PIGP: variants seen among roughly 807,000 people sequenced by gnomAD.
PIGP encodes phosphatidylinositol N-acetylglucosaminyltransferase subunit P.
PIGP carries 12 observed loss-of-function variants against 16.9 expected under a neutral mutation model. The ratio of observed to expected loss-of-function variants is 0.71; its 90% CI spans 0.46 to 1.15. The LOEUF (loss-of-function observed/expected upper bound fraction) is 1.15. Among genes scored for constraint, PIGP ranks in the 50% most tolerant of loss-of-function variants. The pLI is 0.00. For missense variants in PIGP, 159 were observed against 153.5 expected (o/e 1.04, Z -0.19); for synonymous variants, 57 against 54.7 (o/e 1.04, Z -0.18).
chr21:37,072,650 C>T (rs1429486859), intron 1 of PIGP, 113 bp from the exon 2 acceptor site: 1 of 1,571,370 alleles, frequency 6.4e-7, no homozygotes. Context: ...AACCGCCTCC[C>T]GCGCCTCCGT....
intron 3 of PIGP, among the ~76,000 whole-genome samples, chr21:37,067,966 C>T (rs2069935085): frequency 6.6e-6 from 1 of 151,510 alleles, no homozygotes; most frequent in Non-Finnish European, 1.5e-5. Flanking sequence ...TCTATTATGC[C>T]TCTCAGTATC....
Position 37,069,619 on chromosome 21 carries a change from A to G in PIGP, c.88T>C (p.Tyr30His). The G allele has an allele frequency of 6.4e-7, 1 of 1,561,810 alleles. No individual in the cohort carries two copies. Among genetic ancestry groups the G allele is most frequent in the South Asian group, 1.2e-5 (1 of 84,870 alleles). Residue 30 changes from tyrosine (Y) to histidine (H), a missense_variant, in exon 3 of 5, where the codon TAC (tyrosine) becomes CAC (histidine). Physicochemically the swap from Tyr to His is moderately conservative, Grantham distance 83 (BLOSUM62 2). Coordinates refer to ENST00000360525, the MANE Select transcript of PIGP (RefSeq NM_153682.3). Reference sequence around the variant, plus strand: ...TCAGGAATAAAGGCCCACACGAGGTAAAGTACTGTAGAAAAGAAAAAGAAA... The same window carrying G: ...TCAGGAATAAAGGCCCACACGAGGTGAAGTACTGTAGAAAAGAAAAAGAAA... ...FLSSQFGFIL[Y>H]LVWAFIPESW...
rs1043872329 is a variant in PIGP, at chr21:37,072,807, T to C, written c.-23+193A>G. On this transcript the variant is annotated intron_variant, in intron 1 of 4. Transcript: ENST00000360525. ...CAGCTCTGCAAGCGTGGCCTCCCTG[T>C]GGGAGGGGAGGGCAGGGAACAAGGC... 1.1e-5 allele frequency: 6 copies of C among 540,962 alleles called. No individual in the cohort carries two copies. The East Asian group carries it at 1.9e-4, about 17-fold the overall frequency. 33.5% of individuals were successfully genotyped at this position (540,962 alleles called of 1,614,324 possible).
chr21:37,072,609 C>T (rs568566403), intron 1 of PIGP, 72 bp from the exon 2 acceptor site: 2 of 1,605,508 alleles, frequency 1.2e-6, no homozygotes, highest in Non-Finnish European at 1.7e-6. Context: ...CGCCTCCTCG[C>T]TCCGCCGCGG....
At position 37,072,670 on chromosome 21, in the gene PIGP, G is replaced by C. The variant is rs1601137910; in HGVS notation, c.-22-133C>G. 8.0e-6 allele frequency: 12 copies of C among 1,502,138 alleles called. No individual in the cohort carries two copies. In the East Asian group the frequency reaches 2.5e-4, roughly 31 times the overall value. The allele number at this position is 1,502,138 out of a possible 1,614,324, so 93.1% of individuals were successfully genotyped here. A position where few individuals can be genotyped will look rare whatever the true frequency, so the allele number is the denominator to read the frequency against. ...CCTCCCGCGCCTCCGTCCGCAACCC[G>C]CGCCCCCGCCTCGAGCGCATACAGA... On this transcript the variant is annotated intron_variant, in intron 1 of 4. Coordinates refer to ENST00000360525, the MANE Select transcript of PIGP (RefSeq NM_153682.3).
chr21:37,069,454 G>A (rs2069961918), intron 3 of PIGP, 98 bp downstream of exon 3: 2 of 686,446 alleles, frequency 2.9e-6, no homozygotes, highest in Non-Finnish European at 4.8e-6. Context: ...TGAATTTTAA[G>A]AGAACAAATA....
At chr21:37,068,713 G>A (rs532646120) in intron 3 of PIGP, among the ~76,000 whole-genome samples, 2 of 152,178 alleles carry the variant, frequency 1.3e-5, no homozygotes, top group East Asian at 3.9e-4. Flanking sequence ...ACTTCACTGG[G>A]GTCCTCTAAA....
intron 1 of PIGP, 27 bp from the exon 2 acceptor site, chr21:37,072,564 C>T (rs1294091581): frequency 6.2e-7 from 1 of 1,614,108 alleles, no homozygotes; most frequent in African/African-American, 1.3e-5. Flanking sequence ...CAATCAGCGT[C>T]AGCGATGTGC....
intron 2 of PIGP, among the ~76,000 whole-genome samples, chr21:37,070,157 C>A (rs565672335): frequency 5.2e-4 from 79 of 152,172 alleles, no homozygotes; most frequent in Middle Eastern, 3.2e-3. Context: ...GTGGGTTAAG[C>A]ACAGTTCCAA....
At chr21:37,071,666 T>C (rs2146813506) in intron 2 of PIGP, among the ~76,000 whole-genome samples, 1 of 152,340 alleles carries the variant, frequency 6.6e-6, no homozygotes. Context: ...TCCACTTTCC[T>C]GGTTTCCAAA....
intron 3 of PIGP, 29 bp downstream of exon 3, chr21:37,069,523 T>C (rs1185006923): frequency 7.6e-7 from 1 of 1,318,970 alleles, no homozygotes; most frequent in Non-Finnish European, 1.1e-6. Flanking sequence ...ATTAATTATA[T>C]CCTCATTTAA....
At chr21:37,072,632 C>G in intron 1 of PIGP, 95 bp from the exon 2 acceptor site, 1 of 1,592,662 alleles carries the variant, frequency 6.3e-7, no homozygotes, top group Non-Finnish European at 8.6e-7. Context: ...ACGGCCCCCG[C>G]CGCGCAGAAC....
chr21:37,066,361 G>A (rs1489357228), intron 4 of PIGP, among the ~76,000 whole-genome samples: 2 of 152,118 alleles, frequency 1.3e-5, no homozygotes, highest in Non-Finnish European at 2.9e-5. Flanking sequence ...TTACCTATTT[G>A]CTGCCAATTC....
intron 3 of PIGP, among the ~76,000 whole-genome samples, chr21:37,068,587 A>C (rs1954199809): frequency 6.6e-6 from 1 of 152,010 alleles, no homozygotes; most frequent in South Asian, 2.1e-4. Flanking sequence ...AATGTCTGGT[A>C]ACTTAGAGTA....
At chr21:37,070,326 ATTCTT>A (rs752496743) in intron 2 of PIGP, among the ~76,000 whole-genome samples, 76 of 152,220 alleles carry the variant, frequency 5.0e-4, no homozygotes, top group Non-Finnish European at 9.4e-4. Context: ...GTGATGATGC[ATTCTT>A]TTCTTAACAA....
At chr21:37,072,397 G>T in intron 2 of PIGP, 37 bp downstream of exon 2, 1 of 1,612,954 alleles carries the variant, frequency 6.2e-7, no homozygotes, top group Non-Finnish European at 8.5e-7. Flanking sequence ...CTGAACGCCA[G>T]AAAAAGCCCC....
At chr21:37,071,242 C>G (rs1365450955) in intron 2 of PIGP, among the ~76,000 whole-genome samples, 1 of 152,186 alleles carries the variant, frequency 6.6e-6, no homozygotes, top group Non-Finnish European at 1.5e-5. Flanking sequence ...CGTTAATCCT[C>G]ACAACAGTCA....
At chr21:37,070,951 G>A (rs908380016) in intron 2 of PIGP, among the ~76,000 whole-genome samples, 4 of 152,178 alleles carry the variant, frequency 2.6e-5, no homozygotes, top group African/African-American at 7.2e-5. Context: ...AGTAGAGACA[G>A]GGTTTTTCCA....
At chr21:37,068,606 A>G (rs549757415) in intron 3 of PIGP, among the ~76,000 whole-genome samples, 27 of 152,024 alleles carry the variant, frequency 1.8e-4, no homozygotes, top group African/African-American at 6.5e-4. Context: ...TAGTCCATTC[A>G]TATTTAAAAA....
Sources: gnomAD v4.1 joint callset for allele counts (sites outside exome capture counted in the v4.1 genomes callset) on GRCh38, gnomAD v4.1.1 for gene constraint, MANE v1.5 for transcripts, NCBI Gene and HGNC (gene_info 2026-07-23, HGNC 2026-07-21) for gene names.